ATXN7: variants seen among roughly 807,000 people sequenced by gnomAD.
ATXN7 encodes ataxin-7.
A neutral mutation model predicts 70.5 loss-of-function variants in ATXN7; 12 were observed. The observed-to-expected ratio is 0.17, with a 90% CI of 0.11 to 0.28. The LOEUF (loss-of-function observed/expected upper bound fraction) is 0.28. ATXN7 is among the 10% of genes least tolerant of loss of function. ATXN7 has a pLI of 1.00. For missense variants in ATXN7, 1,256 were observed against 1,131.7 expected, an observed-to-expected ratio of 1.11 and a Z score of -1.58; for synonymous variants, 498 against 448.7, an observed-to-expected ratio of 1.11 and a Z score of -1.39.
intron 5 of ATXN7, among the ~76,000 whole-genome samples, chr3:63,969,330 C>T (rs528552943): frequency 6.6e-6 from 1 of 152,194 alleles, no homozygotes; most frequent in South Asian, 2.1e-4. Context: ...TGGAAAATGG[C>T]AATAAGGATT....
rs2075459383 is a variant in ATXN7 at position 63,980,041 on chromosome 3, G to A, written c.626G>A (p.Gly209Glu). Residue 209 changes from glycine (G) to glutamate (E), a missense_variant, in exon 6 of 13, where the codon GGA becomes GAA. Transcript: ENST00000674280. ...AGTGGAAGCAACCGTTCTTCCAGTG[G>A]AGGTGTTCTTAGCGCATCCTCATCA... ...SASGSNRSSS[G>E]GVLSASSSSS... 1 of 1,614,194 alleles carries A rather than the reference G, an allele frequency of 6.2e-7. No individual in the cohort carries two copies. Among genetic ancestry groups the A allele is most frequent in the African/African-American group, 1.3e-5 (1 of 75,048 alleles).
intron 1 of ATXN7, among the ~76,000 whole-genome samples, chr3:63,893,234 T>C (rs1399594398): frequency 6.6e-6 from 1 of 152,210 alleles, no homozygotes; most frequent in Non-Finnish European, 1.5e-5. Context: ...CTTTTATAAA[T>C]TGACTTTCAA....
chr3:63,890,065 G>GTT (rs1319019042), intron 1 of ATXN7, among the ~76,000 whole-genome samples: 1 of 152,152 alleles, frequency 6.6e-6, no homozygotes, highest in East Asian at 1.9e-4. Context: ...ACTTTGCTAA[G>GTT]TGTTTATGTT....
At chr3:63,973,862 C>CA (rs1267784171) in intron 5 of ATXN7, among the ~76,000 whole-genome samples, 1 of 151,470 alleles carries the variant, frequency 6.6e-6, no homozygotes, top group Admixed American at 6.6e-5. Context: ...TGTGAGTATG[C>CA]AAAAAAGTTT....
intron 4 of ATXN7, among the ~76,000 whole-genome samples, chr3:63,923,868 G>T (rs749876125): frequency 4.6e-5 from 7 of 152,178 alleles, no homozygotes; most frequent in Non-Finnish European, 8.8e-5. Flanking sequence ...GGGGAGGAAT[G>T]TAGGGAAATA....
In ATXN7 at chr3:63,996,302, C is replaced by A. The variant is rs1448393389; in HGVS notation, c.2480C>A (p.Thr827Asn). 6.2e-7 allele frequency: 1 copy of A among 1,614,180 alleles called. No homozygotes were observed. The highest frequency in any genetic ancestry group is 1.7e-5 in the Admixed American group (1 of 60,018). ...NSHGSFSHSH[T>N]PLDKLIGKKR... is the part of the protein sequence containing the mutation. ...CACGGCAGTTTTTCCCACTCACACA[C>A]TCCTCTAGACAAACTCATAGGAAAG... The change falls in exon 12 of 13, where the codon ACT (threonine) becomes AAT (asparagine). Residue 827 changes from threonine to asparagine, a missense_variant. Coordinates refer to ENST00000674280, the MANE Select transcript of ATXN7 (RefSeq NM_001377405.1).
chr3:63,992,469 A>C (rs2075688026), intron 11 of ATXN7, among the ~76,000 whole-genome samples: 1 of 152,156 alleles, frequency 6.6e-6, no homozygotes, highest in Non-Finnish European at 1.5e-5. Context: ...GGAGTTGGAA[A>C]GCACACTGAG....
At chr3:63,930,887 C>G (rs947754486) in intron 4 of ATXN7, among the ~76,000 whole-genome samples, 4 of 152,024 alleles carry the variant, frequency 2.6e-5, no homozygotes, top group African/African-American at 9.7e-5. Context: ...AATTTTTGCA[C>G]CAAGTTTTAG....
At chr3:63,966,504 GC>G (rs2075224863) in intron 5 of ATXN7, among the ~76,000 whole-genome samples, 1 of 152,060 alleles carries the variant, frequency 6.6e-6, no homozygotes, top group Non-Finnish European at 1.5e-5. Flanking sequence ...CTCTTCCCTT[GC>G]GTTCTTCTAG....
In ATXN7 at chr3:63,932,719, C is replaced by G. The variant is rs1013397176; in HGVS notation, c.394+19494C>G. 4.6e-5 allele frequency among the ~76,000 whole-genome samples: 7 copies of G among 152,180 alleles called. No homozygotes were observed. In the South Asian group the frequency reaches 1.4e-3, roughly 32 times the overall value. Reference sequence around the variant, plus strand: ...AGACAATTTCCCTCTGCTCCTTTCCCGTGACCCCTTTCCCCAAGAAAGAGA... The same window carrying G: ...AGACAATTTCCCTCTGCTCCTTTCCGGTGACCCCTTTCCCCAAGAAAGAGA... On this transcript the variant is annotated intron_variant, in intron 4 of 12. Coordinates refer to ENST00000674280, the MANE Select transcript of ATXN7 (RefSeq NM_001377405.1).
intron 1 of ATXN7, among the ~76,000 whole-genome samples, chr3:63,882,508 G>A (rs999213577): frequency 2.0e-5 from 3 of 150,944 alleles, no homozygotes; most frequent in Non-Finnish European, 2.9e-5. Context: ...TCTCAGTCTC[G>A]CAAGTAGTTG....
chr3:63,903,386 CA>C (rs775558434), intron 2 of ATXN7, among the ~76,000 whole-genome samples: 1,960 of 49,586 alleles, frequency 0.04, 2 homozygotes, highest in African/African-American at 0.049. Context: ...GACTCCGTCT[CA>C]AAAAAAAAAA....
rs146118572 is a variant in ATXN7 at position 63,947,150 on chromosome 3, C to T, written c.395-5229C>T. Among the ~76,000 whole-genome samples the T allele has an allele frequency of 6.0e-3, 918 of 152,284 alleles. 11 individuals carry two copies. The highest frequency in any genetic ancestry group is 0.019 in the African/African-American group (807 of 41,544). Reference sequence around the variant, plus strand: ...CAAATAACAATCATGACTTTTATCTCATAGACTGTGGGCAAACATTGAGTG... The same window carrying T: ...CAAATAACAATCATGACTTTTATCTTATAGACTGTGGGCAAACATTGAGTG... On this transcript the variant is annotated intron_variant, in intron 4 of 12. Coordinates refer to ENST00000674280, the MANE Select transcript of ATXN7 (RefSeq NM_001377405.1).
Position 63,995,570 on chromosome 3 carries a change from C to T in ATXN7, c.1748C>T (p.Ser583Phe). 6.2e-7 allele frequency: 1 copy of T among 1,614,226 alleles called. No individual in the cohort carries two copies. The highest frequency in any genetic ancestry group is 8.5e-7 in the Non-Finnish European group (1 of 1,180,040). The change falls in exon 12 of 13, where the codon TCT (serine) becomes TTT (phenylalanine). Residue 583 changes from serine to phenylalanine, a missense_variant. By Grantham distance (155) the Ser-to-Phe change is radical. Coordinates refer to ENST00000674280, the MANE Select transcript of ATXN7 (RefSeq NM_001377405.1). ...ACACGTATTCCTCACCGGACAAACT[C>T]TGTGCCGACATCACAATGTGGAGTC... ...ISTRIPHRTN[S>F]VPTSQCGVSY...
chr3:63,948,778 A>C (rs998988811), intron 4 of ATXN7, among the ~76,000 whole-genome samples: 16 of 152,170 alleles, frequency 1.1e-4, no homozygotes, highest in Non-Finnish European at 1.5e-4. Flanking sequence ...TCCAAAGTAC[A>C]TGATGGCCTA....
intron 4 of ATXN7, among the ~76,000 whole-genome samples, chr3:63,914,862 A>G (rs1290700571): frequency 2.0e-5 from 3 of 152,216 alleles, no homozygotes; most frequent in Non-Finnish European, 2.9e-5. Context: ...TTTCATGAAG[A>G]ACTAAGACGT....
At chr3:63,876,246 A>G (rs1297540138) in intron 1 of ATXN7, among the ~76,000 whole-genome samples, 1 of 152,092 alleles carries the variant, frequency 6.6e-6, no homozygotes, top group Non-Finnish European at 1.5e-5. Flanking sequence ...GGCATTTTTA[A>G]GTTTTAGCAT....
rs539271035 is a variant in ATXN7 at position 63,863,941 on chromosome 3, GCGCCGCGCCGCGCCGCCGC to G, written c.-321_-303del. The G allele has an allele frequency of 0.11, 17,764 of 168,792 alleles. 1,189 individuals are homozygous for G. Among genetic ancestry groups the G allele is most frequent in the East Asian group, 0.18 (662 of 3,690 alleles). The allele number at this position is 168,792 out of a possible 1,614,324, so 10.5% of individuals were successfully genotyped here. On this transcript the variant is annotated 5_prime_UTR_variant, in exon 1 of 13. The change creates a premature stop within an existing upstream ORF in the 5' untranslated region. Coordinates refer to ENST00000674280, the MANE Select transcript of ATXN7 (RefSeq NM_001377405.1). ...GGCCGCCTGCTCCGACGCCTGAGCC[GCGCCGCGCCGCGCCGCCGC>G]CGCCGCCGCCGCCGCCGCGGGACCC...
intron 2 of ATXN7, chr3:63,901,205 T>G (rs1703628854): frequency 6.6e-6 from 1 of 152,260 alleles, no homozygotes; most frequent in Non-Finnish European, 1.5e-5. Flanking sequence ...GTGGAATGGC[T>G]TAAATTAACT....
Sources: gnomAD v4.1 joint callset for allele counts (sites outside exome capture counted in the v4.1 genomes callset) on GRCh38, gnomAD v4.1.1 for gene constraint, MANE v1.5 for transcripts, NCBI Gene and HGNC (gene_info 2026-07-23, HGNC 2026-07-21) for gene names.